The following RBMX2 variants were observed in gnomAD, a reference collection of about 807,000 sequenced individuals.
The protein encoded by RBMX2 is RNA-binding motif protein, X-linked 2.
For missense variants in RBMX2, 191 were observed against 256.0 expected, an observed-to-expected ratio of 0.75 and a Z score of 1.73; for synonymous variants, 77 against 94.3, an observed-to-expected ratio of 0.82 and a Z score of 1.07.
In RBMX2 at chrX:130,412,626, C is replaced by T. The variant is rs376377336; in HGVS notation, c.747C>T (p.His249=). ...AGCTGAAGAAGGAGAAACCCAAGCACGAGCACAAGTCCTCAAGCAGGAGGG... is the reference window on the plus strand; with the variant it reads ...AGCTGAAGAAGGAGAAACCCAAGCATGAGCACAAGTCCTCAAGCAGGAGGG... ...ERELKKEKPK[H]EHKSSSRREA... The change falls in exon 6 of 6, where the codon CAC becomes CAT. Residue 249 remains histidine, a synonymous_variant. Coordinates refer to ENST00000305536, the MANE Select transcript of RBMX2 (RefSeq NM_016024.4). The T allele has an allele frequency of 1.2e-5, 14 of 1,205,994 alleles. No homozygotes were observed. The highest frequency in any genetic ancestry group is 2.4e-4 in the Middle Eastern group (1 of 4,238).
At chrX:130,411,899 C>T (rs181682243) in intron 5 of RBMX2, among the ~76,000 whole-genome samples, 4 of 111,554 alleles carry the variant, frequency 3.6e-5, no homozygotes, top group African/African-American at 1.3e-4. Context: ...CTGCTTCATG[C>T]TGCTGCCAAG....
intron 5 of RBMX2, 109 bp downstream of exon 5, chrX:130,411,634 G>T: frequency 1.3e-6 from 1 of 768,273 alleles, no homozygotes. Flanking sequence ...GAAGGTGTGG[G>T]GAAGCATAGT....
At chrX:130,404,061 A>G in intron 3 of RBMX2, 1 of 409,736 alleles carries the variant, frequency 2.4e-6, no homozygotes, top group East Asian at 3.8e-5. Flanking sequence ...TTAATTTGGG[A>G]GGGCATCTTG....
chrX:130,402,369 G>C lies in RBMX2; in HGVS notation c.120G>C (p.Leu40=). 8.3e-7 allele frequency: 1 copy of C among 1,207,610 alleles called. No homozygotes were observed. Among genetic ancestry groups the C allele is most frequent in the African/African-American group, 1.7e-5 (1 of 57,479 alleles). Residue 40 remains leucine, a splice_region_variant and synonymous_variant, in exon 2 of 6, where the codon CTG becomes CTC. Coordinates refer to ENST00000305536, the MANE Select transcript of RBMX2 (RefSeq NM_016024.4). ...ACAAGGACAGCGCCTGGATCTTCCT[G>C]GGTGAGGTCCACATCTTTCTTCCTC... The part of the protein sequence containing the change: ...SEYKDSAWIF[L]GGLPYELTEG...
In RBMX2 at chrX:130,411,369, G is replaced by A; in HGVS notation, c.325G>A (p.Val109Met). 8.4e-7 allele frequency: 1 copy of A among 1,194,001 alleles called. No individual in the cohort carries two copies. The highest frequency in any genetic ancestry group is 1.1e-6 in the Non-Finnish European group (1 of 887,947). ...GIKIKGRTIR[V>M]DHVSNYRAPK... ...TTAGATCAAAGGAAGAACTATCCGA[G>A]TGGATCATGTGTCTAACTATCGGGC... Residue 109 changes from valine to methionine, a missense_variant, in exon 5 of 6, where the codon GTG (valine) becomes ATG (methionine). Coordinates refer to ENST00000305536, the MANE Select transcript of RBMX2 (RefSeq NM_016024.4).
rs751172572 is a variant in RBMX2 at position 130,412,409 on chromosome X, G to A, written c.530G>A (p.Arg177Gln). The A allele has an allele frequency of 1.6e-5, 19 of 1,179,810 alleles. No individual in the cohort carries two copies. Among genetic ancestry groups the A allele is most frequent in the African/African-American group, 3.7e-5 (2 of 54,497 alleles). ...AAGAAAGAAAAAGAGAAAGCCGACC[G>A]GGAGGTACAGGCAGAGCAACCATCC... ...KKKKEKEKAD[R>Q]EVQAEQPSSS... Residue 177 changes from arginine to glutamine, a missense_variant, in exon 6 of 6, where the codon CGG becomes CAG. Arg to Gln is a conservative substitution (Grantham distance 43). Transcript: ENST00000305536.
intron 3 of RBMX2, among the ~76,000 whole-genome samples, chrX:130,406,098 G>A (rs1460587384): frequency 1.5e-5 from 1 of 66,081 alleles, no homozygotes; most frequent in Non-Finnish European, 2.4e-5. Context: ...CTCGTGATCC[G>A]CCCGCCTCGG....
intron 3 of RBMX2, among the ~76,000 whole-genome samples, chrX:130,405,548 AT>A (rs201349616): frequency 0.035 from 3,946 of 111,695 alleles, 83 homozygotes; most frequent in Middle Eastern, 0.06. Context: ...TTTTAAAAAA[AT>A]GTTGGACATT....
intron 1 of RBMX2, 31 bp from the exon 2 acceptor site, chrX:130,402,224 T>TTGCCCCC: frequency 4.3e-6 from 5 of 1,174,306 alleles, no homozygotes; most frequent in Non-Finnish European, 4.6e-6. Flanking sequence ...CTTTTCTGCC[T>TTGCCCCC]ACCCTCCCCA....
intron 3 of RBMX2, among the ~76,000 whole-genome samples, chrX:130,407,800 G>C (rs2034492958): frequency 9.2e-6 from 1 of 109,037 alleles, no homozygotes. Flanking sequence ...TGGGACTACA[G>C]GTGCACACTA....
chrX:130,403,691 G>C (rs931706690), intron 2 of RBMX2, 111 bp from the exon 3 acceptor site: 2 of 701,112 alleles, frequency 2.9e-6, no homozygotes, highest in African/African-American at 4.2e-5. Flanking sequence ...ATTTCTTTAA[G>C]GGCAGGGCCT....
chrX:130,403,505 A>G (rs2034467271), intron 2 of RBMX2, among the ~76,000 whole-genome samples: 1 of 111,186 alleles, frequency 9.0e-6, no homozygotes, highest in African/African-American at 3.3e-5. Context: ...AGTAGCTGGG[A>G]TTACAGGTGC....
chrX:130,410,353 T>C (rs2034506094), intron 4 of RBMX2, among the ~76,000 whole-genome samples: 1 of 103,552 alleles, frequency 9.7e-6, no homozygotes, highest in Non-Finnish European at 2.0e-5. Flanking sequence ...TGCCTAAAAA[T>C]AGAATATTTT....
At chrX:130,409,506 T>C in intron 4 of RBMX2, 120 bp downstream of exon 4, 1 of 735,480 alleles carries the variant, frequency 1.4e-6, no homozygotes, top group Non-Finnish European at 2.0e-6. Flanking sequence ...TTGCGGGGGC[T>C]GCAGAGATGT....
chrX:130,402,230 C>G, intron 1 of RBMX2, 25 bp from the exon 2 acceptor site: 72 of 775,496 alleles, frequency 9.3e-5, no homozygotes, highest in Non-Finnish European at 1.2e-4. Flanking sequence ...TGCCTACCCT[C>G]CCCACCCCCC....
intron 3 of RBMX2, among the ~76,000 whole-genome samples, chrX:130,406,670 C>T (rs1341258734): frequency 2.7e-5 from 2 of 73,541 alleles, no homozygotes; most frequent in Non-Finnish European, 2.5e-5. Flanking sequence ...GAGACTCTGT[C>T]TCCAAAAAAA....
rs192563292 is a variant in RBMX2, at chrX:130,406,088, C to A, written c.173+2235C>A. On this transcript the variant is annotated intron_variant, in intron 3 of 5. Coordinates refer to ENST00000305536, the MANE Select transcript of RBMX2 (RefSeq NM_016024.4). ...GCCGGGATGGTCTCGATCTCTTGACCTCGTGATCCGCCCGCCTCGGCCTCC... is the reference window on the plus strand; with the variant it reads ...GCCGGGATGGTCTCGATCTCTTGACATCGTGATCCGCCCGCCTCGGCCTCC... Among the ~76,000 whole-genome samples the A allele has an allele frequency of 3.9e-3, 260 of 66,350 alleles. 16 individuals carry two copies. The highest frequency in any genetic ancestry group is 5.2e-3 in the Non-Finnish European group (216 of 41,630). 57.6% of individuals were successfully genotyped at this position (66,350 alleles called of 115,157 possible).
At chrX:130,402,085 G>T (rs1185949905) in intron 1 of RBMX2, 48 bp downstream of exon 1, 2 of 1,188,911 alleles carry the variant, frequency 1.7e-6, no homozygotes, top group South Asian at 3.7e-5. Context: ...GCCACTGGGG[G>T]TGGTCCACCG....
Position 130,412,451 on chromosome X carries a change from G to T in RBMX2, c.572G>T (p.Arg191Leu). 1.7e-6 allele frequency: 2 copies of T among 1,210,149 alleles called. No individual in the cohort carries two copies. Among genetic ancestry groups the T allele is most frequent in the Non-Finnish European group, 2.2e-6 (2 of 895,091 alleles). ...CAACCATCCTCTTCGTCACCCAGAC[G>T]CAAGACAGTAAAGGAAAAGGATGAC... ...AEQPSSSSPR[R>L]KTVKEKDDTG... Residue 191 changes from arginine (R) to leucine (L), a missense_variant, in exon 6 of 6, where the codon CGC becomes CTC. Physicochemically the swap from Arg to Leu is moderately radical, Grantham distance 102 (BLOSUM62 -2). Coordinates refer to ENST00000305536, the MANE Select transcript of RBMX2 (RefSeq NM_016024.4).
Sources: gnomAD v4.1 joint callset for allele counts (sites outside exome capture counted in the v4.1 genomes callset) on GRCh38, gnomAD v4.1.1 for gene constraint, MANE v1.5 for transcripts, NCBI Gene and HGNC (gene_info 2026-07-23, HGNC 2026-07-21) for gene names.